The following VPS53 variants were observed in gnomAD, a reference collection of about 807,000 sequenced individuals.
The protein encoded by VPS53 is vacuolar protein sorting-associated protein 53 homolog.
VPS53 carries 70 observed loss-of-function variants against 107.0 expected under a neutral mutation model. The observed-to-expected ratio is 0.65, with a 90% CI of 0.54 to 0.80. The LOEUF (loss-of-function observed/expected upper bound fraction) is 0.80. Ranked by LOEUF, VPS53 falls within the 30% of genes least tolerant of loss-of-function variation. The probability of loss-of-function intolerance (pLI) is 0.00; values close to 1 mark genes in which losing one functional copy is unlikely to be tolerated. For synonymous variants in VPS53, 409 were observed against 393.3 expected, an observed-to-expected ratio of 1.04 and a Z score of -0.47; for missense variants, 917 against 1,049.4, an observed-to-expected ratio of 0.87 and a Z score of 1.74.
chr17:564,415 C>G (rs1174180878), intron 13 of VPS53, among the ~76,000 whole-genome samples: 2 of 152,116 alleles, frequency 1.3e-5, no homozygotes, highest in Non-Finnish European at 2.9e-5. Context: ...TGGCGGGTGC[C>G]CGTAGTCCCA....
intron 11 of VPS53, among the ~76,000 whole-genome samples, chr17:622,993 A>T (rs1969534628): frequency 6.6e-6 from 1 of 152,086 alleles, no homozygotes; most frequent in Non-Finnish European, 1.5e-5. Flanking sequence ...CAGACCAAAA[A>T]GAAGAGGTTT....
At chr17:610,127 TCACACACACACACACACACACA>T (rs200106767) in intron 11 of VPS53, among the ~76,000 whole-genome samples, 8,439 of 134,600 alleles carry the variant, frequency 0.063, 507 homozygotes, top group East Asian at 0.3. Flanking sequence ...TGAGACTCCG[TCACACACACACACACACACACA>T]CACACACACA....
chr17:710,506 AG>A, intron 2 of VPS53, 26 bp downstream of exon 2: 1 of 1,589,136 alleles, frequency 6.3e-7, no homozygotes, highest in African/African-American at 1.3e-5. Context: ...AGCTGCTGAA[AG>A]GAAGGAAACC....
chr17:579,261 C>G (rs1966871862), intron 13 of VPS53, among the ~76,000 whole-genome samples: 1 of 144,474 alleles, frequency 6.9e-6, no homozygotes. Flanking sequence ...CCCTCAGAAC[C>G]TAATGTATTC....
At chr17:532,687 C>G (rs1252532954) in intron 19 of VPS53, 155 bp downstream of exon 19, 9 of 1,411,012 alleles carry the variant, frequency 6.4e-6, no homozygotes, top group Non-Finnish European at 8.4e-6. Flanking sequence ...AATGGAAGAA[C>G]GAATTAAGAA....
At chr17:562,875 G>T in intron 13 of VPS53, 130 bp from the exon 14 acceptor site, 1 of 1,062,744 alleles carries the variant, frequency 9.4e-7, no homozygotes, top group Non-Finnish European at 1.3e-6. Flanking sequence ...CTTAAAATCG[G>T]ATCGATTTTA....
At chr17:553,769 C>T (rs1912089651) in intron 15 of VPS53, among the ~76,000 whole-genome samples, 1 of 152,024 alleles carries the variant, frequency 6.6e-6, no homozygotes, top group Admixed American at 6.6e-5. Context: ...GGGGTTTCAC[C>T]ATGTTGGTCA....
intron 7 of VPS53, among the ~76,000 whole-genome samples, chr17:640,316 T>C (rs769086003): frequency 3.9e-5 from 6 of 152,112 alleles, no homozygotes; most frequent in Non-Finnish European, 8.8e-5. Flanking sequence ...TGCTTGTCTA[T>C]GAAAGGGAAT....
At chr17:654,535 G>A (rs1483189754) in intron 6 of VPS53, among the ~76,000 whole-genome samples, 1 of 151,952 alleles carries the variant, frequency 6.6e-6, no homozygotes, top group Non-Finnish European at 1.5e-5. Flanking sequence ...TCAGGAGATC[G>A]AGACCATCCT....
intron 17 of VPS53, chr17:538,717 A>G (rs945115296): frequency 2.6e-5 from 4 of 152,248 alleles, no homozygotes; most frequent in Non-Finnish European, 2.9e-5. Context: ...GCCCAGAAAC[A>G]TGAAGAGTCT....
intron 4 of VPS53, among the ~76,000 whole-genome samples, chr17:683,084 G>A (rs1597483197): frequency 6.6e-6 from 1 of 152,214 alleles, no homozygotes; most frequent in East Asian, 1.9e-4. Context: ...GAACTTTAAG[G>A]TGGGTCAATA....
At chr17:601,749 A>G in intron 12 of VPS53, 46 bp downstream of exon 12, 1 of 1,461,080 alleles carries the variant, frequency 6.8e-7, no homozygotes, top group East Asian at 2.4e-5. Context: ...GATTTTCAGA[A>G]ACGCACATTG....
intron 2 of VPS53, among the ~76,000 whole-genome samples, chr17:706,406 G>A (rs527315517): frequency 1.5e-4 from 23 of 151,806 alleles, no homozygotes; most frequent in East Asian, 5.8e-4. Context: ...GCTTGGTGGC[G>A]CGTGTCTGTA....
At chr17:631,063 C>T (rs777859507) in intron 8 of VPS53, among the ~76,000 whole-genome samples, 3 of 151,984 alleles carry the variant, frequency 2.0e-5, no homozygotes, top group Non-Finnish European at 4.4e-5. Context: ...GCTCTGCTAC[C>T]AGAGAGAGCT....
At chr17:618,424 CCGGG>C (rs1241868563) in intron 11 of VPS53, among the ~76,000 whole-genome samples, 17 of 139,076 alleles carry the variant, frequency 1.2e-4, no homozygotes, top group Admixed American at 4.3e-4. Context: ...CTAATATTTC[CCGGG>C]TAGCTGGGAC....
At chr17:572,030 T>C (rs1022145635) in intron 13 of VPS53, among the ~76,000 whole-genome samples, 1 of 149,324 alleles carries the variant, frequency 6.7e-6, no homozygotes, top group African/African-American at 2.5e-5. Context: ...GGAGCCCCTC[T>C]GCCTGGCTGC....
intron 17 of VPS53, among the ~76,000 whole-genome samples, chr17:544,678 C>A (rs1247111362): frequency 6.6e-6 from 1 of 152,176 alleles, no homozygotes; most frequent in East Asian, 1.9e-4. Flanking sequence ...AATAGCATAG[C>A]CATCTGATGA....
chr17:652,196 T>C (rs1031898973), intron 7 of VPS53, among the ~76,000 whole-genome samples: 2 of 152,112 alleles, frequency 1.3e-5, no homozygotes, highest in Admixed American at 6.5e-5. Flanking sequence ...GGTTTCGCCA[T>C]GTTGGCCAGG....
chr17:537,518 A>C, intron 17 of VPS53: 1 of 188,252 alleles, frequency 5.3e-6, no homozygotes. Context: ...GGACTGCAGC[A>C]GAACGGGGAG....
Sources: allele counts gnomAD v4.1 joint callset (sites outside exome capture counted in the v4.1 genomes callset), GRCh38; gene constraint gnomAD v4.1.1; transcripts MANE v1.5; gene names NCBI Gene and HGNC (gene_info 2026-07-23, HGNC 2026-07-21).